PUM2: variants seen among roughly 807,000 people sequenced by gnomAD.
PUM2 encodes pumilio homolog 2.
Under a neutral mutation model 124.5 loss-of-function variants are expected in PUM2, and 57 were observed. The observed-to-expected ratio is 0.46, with a 90% CI of 0.37 to 0.57. The LOEUF (loss-of-function observed/expected upper bound fraction) is 0.57, where lower values mean the gene tolerates loss of function less well. Ranked by LOEUF, PUM2 falls within the 20% of genes least tolerant of loss-of-function variation. The pLI is 0.00. For missense variants in PUM2, 1,065 were observed against 1,290.6 expected, an observed-to-expected ratio of 0.83 and a Z score of 2.68; for synonymous variants, 460 against 446.1, an observed-to-expected ratio of 1.03 and a Z score of -0.39.
chr2:20,342,581 T>C (rs1176168389), intron 1 of PUM2, among the ~76,000 whole-genome samples: 1 of 152,244 alleles, frequency 6.6e-6, no homozygotes, highest in East Asian at 1.9e-4. Flanking sequence ...ATATATTCAA[T>C]TTTCTCATAA....
chr2:20,268,184 A>T (rs1362964841), intron 13 of PUM2, among the ~76,000 whole-genome samples: 3 of 152,222 alleles, frequency 2.0e-5, no homozygotes, highest in African/African-American at 7.2e-5. Context: ...CTTAAGACAT[A>T]GATAATTACT....
At chr2:20,321,966 C>T (rs2148778984) in intron 2 of PUM2, among the ~76,000 whole-genome samples, 1 of 151,900 alleles carries the variant, frequency 6.6e-6, no homozygotes, top group Middle Eastern at 3.4e-3. Context: ...TATCAGCACC[C>T]AGGCATGCTG....
At chr2:20,301,304 A>G (rs1676913391) in intron 7 of PUM2, among the ~76,000 whole-genome samples, 1 of 152,212 alleles carries the variant, frequency 6.6e-6, no homozygotes, top group Non-Finnish European at 1.5e-5. Context: ...TTATCACAAA[A>G]GTAGAAAACA....
At chr2:20,252,578 T>A (rs1386330869) in intron 20 of PUM2, among the ~76,000 whole-genome samples, 1 of 152,186 alleles carries the variant, frequency 6.6e-6, no homozygotes, top group African/African-American at 2.4e-5. Flanking sequence ...TTCATTAAGA[T>A]CAAGAGTATT....
intron 12 of PUM2, among the ~76,000 whole-genome samples, 168 bp downstream of exon 12, chr2:20,282,779 T>C (rs1467885937): frequency 1.3e-5 from 2 of 152,102 alleles, no homozygotes; most frequent in African/African-American, 2.4e-5. Flanking sequence ...CATTGGTGAG[T>C]GTTGAAAAGA....
At chr2:20,291,050 C>T (rs7558833) in intron 9 of PUM2, among the ~76,000 whole-genome samples, 54,845 of 152,024 alleles carry the variant, frequency 0.36, 10,019 homozygotes, top group Middle Eastern at 0.43. Context: ...TTTCTAATAT[C>T]TGTGCTCTTT....
chr2:20,314,149 CAAAT>C (rs1680328692), intron 3 of PUM2, among the ~76,000 whole-genome samples: 1 of 151,970 alleles, frequency 6.6e-6, no homozygotes, highest in East Asian at 1.9e-4. Context: ...CTCCCCACTG[CAAAT>C]AAATAAATTA....
chr2:20,253,135 G>C (rs1663867684), intron 20 of PUM2, among the ~76,000 whole-genome samples: 1 of 152,084 alleles, frequency 6.6e-6, no homozygotes, highest in African/African-American at 2.4e-5. Context: ...ATAAGATGAA[G>C]GCAAAAAGAA....
In PUM2 at chr2:20,251,394, A is replaced by G. The variant is rs1663254787; in HGVS notation, c.*191T>C. The G allele has an allele frequency of 1.1e-5, 7 of 612,028 alleles. No individual in the cohort carries two copies. Among genetic ancestry groups the G allele is most frequent in the Non-Finnish European group, 1.8e-5 (7 of 379,226 alleles). 37.9% of individuals were successfully genotyped at this position (612,028 alleles called of 1,614,324 possible). Reference sequence around the variant, plus strand: ...CTCCACTCAGGGCTGAATATAATTTATAATTCATCCCCCACCCCCCAAATA... The same window carrying G: ...CTCCACTCAGGGCTGAATATAATTTGTAATTCATCCCCCACCCCCCAAATA... On this transcript the variant is annotated 3_prime_UTR_variant, in exon 21 of 21. Transcript: ENST00000361078.
chr2:20,268,387 G>A (rs1167642940), intron 13 of PUM2, among the ~76,000 whole-genome samples: 2 of 152,166 alleles, frequency 1.3e-5, no homozygotes, highest in South Asian at 2.1e-4. Flanking sequence ...TGAGGTGGGC[G>A]GATCACTTGA....
rs535386772 is a variant in PUM2 at position 20,258,290 on chromosome 2, A to C, written c.2437T>G (p.Cys813Gly). 1 of 1,612,054 alleles carries C rather than the reference A, an allele frequency of 6.2e-7. No homozygotes were observed. The highest frequency in any genetic ancestry group is 1.3e-5 in the African/African-American group (1 of 75,026). ...TCTAATGCTTTCTGAATAACGCGGCAGCCATACATCTGCAAGGCTAAGGGT... is the reference window on the plus strand; with the variant it reads ...TCTAATGCTTTCTGAATAACGCGGCCGCCATACATCTGCAAGGCTAAGGGT... ...VLPLALQMYG[C>G]RVIQKALESI... Residue 813 changes from cysteine to glycine, a missense_variant, in exon 16 of 21, where the codon TGC (cysteine) becomes GGC (glycine). Physicochemically the swap from Cys to Gly is radical, Grantham distance 159. Around this residue, in one of 3 missense-constraint regions of PUM2, gnomAD observed 968 missense variants for 1,159.8 expected, o/e 0.83. Coordinates refer to ENST00000361078, the MANE Select transcript of PUM2 (RefSeq NM_015317.5).
chr2:20,327,697 T>G (rs968937339), intron 1 of PUM2, among the ~76,000 whole-genome samples: 1 of 152,212 alleles, frequency 6.6e-6, no homozygotes, highest in African/African-American at 2.4e-5. Flanking sequence ...TAAGGTTTTT[T>G]GTTTGGTTGT....
At chr2:20,333,038 G>A (rs1685243892) in intron 1 of PUM2, 1 of 152,060 alleles carries the variant, frequency 6.6e-6, no homozygotes. Flanking sequence ...GAATTAAAAA[G>A]TCATTTTTGA....
chr2:20,251,494 A>T lies in PUM2; in HGVS notation c.*91T>A. The T allele has an allele frequency of 2.1e-6, 3 of 1,414,146 alleles. No individual in the cohort carries two copies. The highest frequency in any genetic ancestry group is 2.9e-6 in the Non-Finnish European group (3 of 1,050,368). 87.6% of individuals were successfully genotyped at this position (1,414,146 alleles called of 1,614,324 possible). On this transcript the variant is annotated 3_prime_UTR_variant, in exon 21 of 21. Coordinates refer to ENST00000361078, the MANE Select transcript of PUM2 (RefSeq NM_015317.5). ...TAGTTTTGCTTTAAAAAAAAATTGAAGATTCATAGTTGAGTTGTGTTTTGA... is the reference window on the plus strand; with the variant it reads ...TAGTTTTGCTTTAAAAAAAAATTGATGATTCATAGTTGAGTTGTGTTTTGA...
intron 1 of PUM2, among the ~76,000 whole-genome samples, chr2:20,348,989 T>C (rs1003503365): frequency 6.6e-6 from 1 of 152,224 alleles, no homozygotes; most frequent in Non-Finnish European, 1.5e-5. Flanking sequence ...AAAATCCAAG[T>C]ATTATTTGGT....
At chr2:20,300,262 GC>G (rs1306872840) in intron 7 of PUM2, among the ~76,000 whole-genome samples, 1 of 152,022 alleles carries the variant, frequency 6.6e-6, no homozygotes, top group Non-Finnish European at 1.5e-5. Flanking sequence ...TGATTCTCCT[GC>G]CTCAGCCTCC....
rs1213929590 is a variant in PUM2 at position 20,283,212 on chromosome 2, T to C, written c.1455A>G (p.Gly485=). The change falls in exon 12 of 21, where the codon GGA becomes GGG. Residue 485 remains glycine, a synonymous_variant. Coordinates refer to ENST00000361078, the MANE Select transcript of PUM2 (RefSeq NM_015317.5). ...AAQAAAAAAA[G]GTASSLTGST... ...TGCCTGTAAGGCTACTTGCAGTTCC[T>C]CCAGCTGCTGCTGCTGCTGCTGTAA... The C allele has an allele frequency of 6.2e-7, 1 of 1,612,602 alleles. No homozygotes were observed. Among genetic ancestry groups the C allele is most frequent in the South Asian group, 1.1e-5 (1 of 91,040 alleles).
At chr2:20,255,387 TG>T in intron 17 of PUM2, 46 bp from the exon 18 acceptor site, 1 of 1,581,906 alleles carries the variant, frequency 6.3e-7, no homozygotes, top group African/African-American at 1.4e-5. Context: ...CTGACATTTT[TG>T]AACAGTTCTA....
chr2:20,327,185 C>T (rs1375292670), intron 2 of PUM2, 125 bp downstream of exon 2: 3 of 632,742 alleles, frequency 4.7e-6, no homozygotes, highest in Admixed American at 3.2e-5. Context: ...AAATTTAAAC[C>T]CCTCCATATA....
Sources: allele counts gnomAD v4.1 joint callset (sites outside exome capture counted in the v4.1 genomes callset), GRCh38; gene constraint gnomAD v4.1.1; regional missense constraint gnomAD v4.1.1; transcripts MANE v1.5; gene names NCBI Gene and HGNC (gene_info 2026-07-23, HGNC 2026-07-21).